The following SYNPR variants were observed in gnomAD, a reference collection of about 807,000 sequenced individuals.
The protein encoded by SYNPR is synaptoporin.
In SYNPR, 23 loss-of-function variants were observed where a neutral mutation model predicts 32.9. That is an observed-to-expected ratio of 0.70 (90% CI 0.50 to 0.99). The LOEUF (loss-of-function observed/expected upper bound fraction) is 0.99, where lower values mean the gene tolerates loss of function less well. SYNPR is among the 50% of genes least tolerant of loss of function. The pLI, the probability that SYNPR is intolerant of heterozygous loss-of-function variation, is 0.00. For missense variants in SYNPR, 318 were observed against 349.3 expected (o/e 0.91, Z 0.71); for synonymous variants, 146 against 135.9 (o/e 1.07, Z -0.52).
At chr3:63,207,630 A>G in the SYNPR span, among the ~76,000 whole-genome samples, 1 of 152,186 alleles carries the variant, frequency 6.6e-6, no homozygotes, top group East Asian at 1.9e-4. Flanking sequence ...ATGAATCATG[A>G]GGCTCTACAA....
chr3:63,408,232 A>G (rs9836867), intron 2 of SYNPR, among the ~76,000 whole-genome samples: 2,938 of 60,128 alleles, frequency 0.049, 416 homozygotes, highest in Middle Eastern at 0.097. Context: ...AAGGAAGGAA[A>G]GAAAGAAAGA....
chr3:63,394,826 A>G (rs6779339), intron 2 of SYNPR, among the ~76,000 whole-genome samples: 43,759 of 152,080 alleles, frequency 0.29, 7,413 homozygotes, highest in East Asian at 0.7. Flanking sequence ...TTCTTTTAGA[A>G]AATTTTCTCA....
chr3:63,591,441 C>T (rs544341423), intron 4 of SYNPR, among the ~76,000 whole-genome samples: 2 of 121,112 alleles, frequency 1.7e-5, no homozygotes, highest in Non-Finnish European at 3.4e-5. Context: ...TTTGACCCAG[C>T]CATCCCATTA....
chr3:63,202,884 G>A, the SYNPR span, among the ~76,000 whole-genome samples: 1 of 151,670 alleles, frequency 6.6e-6, no homozygotes, highest in Non-Finnish European at 1.5e-5. Flanking sequence ...TCAGAACTTG[G>A]GTTTCTTGGA....
chr3:63,480,484 C>A (rs1701024750), intron 2 of SYNPR, among the ~76,000 whole-genome samples: 1 of 152,162 alleles, frequency 6.6e-6, no homozygotes. Flanking sequence ...TGGAGACATC[C>A]ATTATTAACT....
chr3:63,401,153 G>C (rs1047169160), intron 2 of SYNPR, among the ~76,000 whole-genome samples: 1 of 152,106 alleles, frequency 6.6e-6, no homozygotes, highest in Non-Finnish European at 1.5e-5. Context: ...ATAAAACGAT[G>C]GCATTCATGT....
intron 2 of SYNPR, among the ~76,000 whole-genome samples, chr3:63,345,314 G>A (rs1243512752): frequency 6.6e-6 from 1 of 152,186 alleles, no homozygotes; most frequent in African/African-American, 2.4e-5. Context: ...TAGTTAACTT[G>A]GCCTATGGCC....
intron 1 of SYNPR, among the ~76,000 whole-genome samples, chr3:63,229,028 C>T (rs1476878163): frequency 6.6e-6 from 1 of 152,118 alleles, no homozygotes; most frequent in Non-Finnish European, 1.5e-5. Flanking sequence ...TTCTCCTATG[C>T]CTCTGTTCAG....
intron 2 of SYNPR, among the ~76,000 whole-genome samples, chr3:63,387,884 C>G (rs188419726): frequency 3.3e-5 from 5 of 152,264 alleles, no homozygotes; most frequent in East Asian, 3.9e-4. Context: ...CCTAGGAAGC[C>G]AACCCTCAGT....
chr3:63,608,958 T>C (rs1257759834), intron 4 of SYNPR, among the ~76,000 whole-genome samples, 167 bp from the exon 5 acceptor site: 1 of 152,156 alleles, frequency 6.6e-6, no homozygotes, highest in Non-Finnish European at 1.5e-5. Context: ...AAATATAATA[T>C]CATAAGGCTT....
intron 2 of SYNPR, among the ~76,000 whole-genome samples, chr3:63,301,792 T>C (rs1392580091): frequency 6.6e-6 from 1 of 152,058 alleles, no homozygotes; most frequent in African/African-American, 2.4e-5. Flanking sequence ...CTAATTTGTG[T>C]CACTTCTTCA....
chr3:63,558,386 C>T (rs1482835356), intron 4 of SYNPR, among the ~76,000 whole-genome samples: 1 of 152,112 alleles, frequency 6.6e-6, no homozygotes, highest in Admixed American at 6.6e-5. Context: ...ACCACCCAGG[C>T]TGGCATGCAG....
intron 4 of SYNPR, among the ~76,000 whole-genome samples, chr3:63,578,969 C>G (rs920208570): frequency 6.6e-6 from 1 of 152,096 alleles, no homozygotes; most frequent in Non-Finnish European, 1.5e-5. Context: ...CCTCTACACC[C>G]TTAAATCAAA....
chr3:63,357,190 G>A (rs935786), intron 2 of SYNPR, among the ~76,000 whole-genome samples: 81,448 of 151,874 alleles, frequency 0.54, 22,742 homozygotes, highest in East Asian at 0.75. Flanking sequence ...CCTGTTCATC[G>A]CTGTACGTGT....
chr3:63,286,727 C>A (rs1015856658), intron 2 of SYNPR, among the ~76,000 whole-genome samples: 1 of 152,162 alleles, frequency 6.6e-6, no homozygotes, highest in South Asian at 2.1e-4. Context: ...GTTATTATTC[C>A]TGTTCAATGT....
At chr3:63,201,897 C>T in the SYNPR span, among the ~76,000 whole-genome samples, 4 of 152,146 alleles carry the variant, frequency 2.6e-5, no homozygotes, top group East Asian at 5.8e-4. Flanking sequence ...CCCTTCCCCC[C>T]TTTTTTTCTA....
At chr3:63,442,879 A>T (rs1431089411) in intron 2 of SYNPR, among the ~76,000 whole-genome samples, 1 of 152,192 alleles carries the variant, frequency 6.6e-6, no homozygotes, top group African/African-American at 2.4e-5. Flanking sequence ...TAACAAACAT[A>T]ACAACATTTA....
chr3:63,231,354 A>C (rs1471411535), intron 1 of SYNPR, among the ~76,000 whole-genome samples: 1 of 152,094 alleles, frequency 6.6e-6, no homozygotes, highest in African/African-American at 2.4e-5. Flanking sequence ...AATGAGGGCT[A>C]AAAGACTACA....
upstream of SYNPR, among the ~76,000 whole-genome samples, chr3:63,277,860 C>G (rs2086591384): frequency 6.6e-6 from 1 of 152,112 alleles, no homozygotes; most frequent in Admixed American, 6.5e-5. Context: ...TTTTGATGTA[C>G]CCCAGCACCT....
Sources: gnomAD v4.1 joint callset for allele counts (sites outside exome capture counted in the v4.1 genomes callset) on GRCh38, gnomAD v4.1.1 for gene constraint, MANE v1.5 for transcripts, NCBI Gene and HGNC (gene_info 2026-07-23, HGNC 2026-07-21) for gene names.